The following SPOCD1 variants were observed in gnomAD, a reference collection of about 807,000 sequenced individuals.
SPOCD1 encodes the protein SPOC domain containing 1.
Under a neutral mutation model 92.2 loss-of-function variants are expected in SPOCD1, and 64 were observed. That is an observed-to-expected ratio of 0.69 (90% confidence interval 0.57 to 0.86). The LOEUF is 0.86. Ranked by LOEUF, SPOCD1 falls within the 40% of genes least tolerant of loss-of-function variation. SPOCD1 has a pLI of 0.00. For synonymous variants in SPOCD1, 578 were observed against 619.3 expected (o/e 0.93, Z 0.99); for missense variants, 1,360 against 1,543.1 (o/e 0.88, Z 1.99).
intron 13 of SPOCD1, 62 bp downstream of exon 13, chr1:31,793,216 G>A: frequency 2.7e-6 from 4 of 1,509,102 alleles, no homozygotes; most frequent in Non-Finnish European, 3.6e-6. Flanking sequence ...GAGAGAGAGA[G>A]AGAGAGGCTG....
At chr1:31,809,501 A>G (rs530276089) in intron 2 of SPOCD1, among the ~76,000 whole-genome samples, 1 of 151,450 alleles carries the variant, frequency 6.6e-6, no homozygotes, top group East Asian at 2.0e-4. Context: ...ATACAAAACT[A>G]TCACAGCAGC....
At chr1:31,803,811 G>A (rs1393250726) in intron 2 of SPOCD1, among the ~76,000 whole-genome samples, 2 of 150,558 alleles carry the variant, frequency 1.3e-5, no homozygotes, top group Non-Finnish European at 3.0e-5. Context: ...GAAAGGAAAG[G>A]AAAGGAGAAG....
chr1:31,811,353 C>A (rs1383553778), intron 2 of SPOCD1, among the ~76,000 whole-genome samples: 1 of 151,844 alleles, frequency 6.6e-6, no homozygotes, highest in East Asian at 1.9e-4. Flanking sequence ...CACCTGTAGT[C>A]CCAGCTACTC....
At chr1:31,800,363 A>G (rs544689937) in intron 4 of SPOCD1, 78 bp downstream of exon 4, 2 of 1,464,850 alleles carry the variant, frequency 1.4e-6, no homozygotes, top group East Asian at 2.5e-5. Context: ...CCTCTCTCTG[A>G]GCCTCAGTGA....
intron 2 of SPOCD1, among the ~76,000 whole-genome samples, chr1:31,803,780 G>A (rs925364625): frequency 2.0e-5 from 3 of 149,926 alleles, no homozygotes; most frequent in African/African-American, 7.4e-5. Context: ...GAAAAGAAAG[G>A]AGAAGAAAGG....
At position 31,814,573 on chromosome 1, in the gene SPOCD1, C is replaced by T. The variant is rs1236079089; in HGVS notation, c.761G>A (p.Gly254Asp). Reference protein sequence around the residue: ...PQVADLESLGGPCRPPSPKDT... With the variant: ...PQVADLESLGDPCRPPSPKDT... ...TTTTGGAGAGGGAGGTCTGCAAGGG[C>T]CTCCCAAGGACTCCAGGTCAGCAAC... The change falls in exon 2 of 16, where the codon GGC becomes GAC. Residue 254 changes from glycine to aspartate, a missense_variant. Physicochemically the swap from Gly to Asp is moderately conservative, Grantham distance 94 (BLOSUM62 -1). Around this residue, in one of 3 missense-constraint regions of SPOCD1, gnomAD observed 606 missense variants for 601.5 expected, o/e 1.01. Transcript: ENST00000360482. This position sits in a 1 kb window ranked among gnomAD's most constrained non-coding sequence, Gnocchi z 4.2. 6.5e-7 allele frequency: 1 copy of T among 1,527,630 alleles called. No individual in the cohort carries two copies. Among genetic ancestry groups the T allele is most frequent in the South Asian group, 1.3e-5 (1 of 75,976 alleles). 94.6% of individuals were successfully genotyped at this position (1,527,630 alleles called of 1,614,324 possible).
chr1:31,794,108 C>T lies in SPOCD1; in HGVS notation c.2383+16G>A, dbSNP rs1411187932. 1.2e-6 allele frequency: 2 copies of T among 1,611,054 alleles called. No individual in the cohort carries two copies. The highest frequency in any genetic ancestry group is 1.7e-6 in the Non-Finnish European group (2 of 1,177,790). On this transcript the variant is annotated intron_variant, in intron 11 of 15. Coordinates refer to ENST00000360482, the MANE Select transcript of SPOCD1 (RefSeq NM_144569.7). ...CCTGGCTGCCACCCCTGCACCCCTC[C>T]CGTGTCCCCTCCCACCCTTGCAGAT... is the stretch of plus-strand genomic sequence containing the variant.
In SPOCD1 at chr1:31,799,424, G is replaced by A. The variant is rs778788572; in HGVS notation, c.1845C>T (p.Ser615=). The A allele has an allele frequency of 8.1e-6, 13 of 1,611,092 alleles. No homozygotes were observed. The East Asian group carries it at 2.7e-4, about 33-fold the overall frequency. ...ACCGAGTCCATAGTACCTCCTGCAT[G>A]GAACGGACAACAGTGCCCCGCACCC... ...YIGVRGTVVR[S]MQEVLWTRLR... is the part of the protein sequence containing the mutation. The change falls in exon 7 of 16, where the codon TCC becomes TCT. Residue 615 remains serine (S), a synonymous_variant. Coordinates refer to ENST00000360482, the MANE Select transcript of SPOCD1 (RefSeq NM_144569.7).
At chr1:31,799,196 G>A (rs1175146203) in intron 7 of SPOCD1, among the ~76,000 whole-genome samples, 4 of 152,226 alleles carry the variant, frequency 2.6e-5, no homozygotes, top group Non-Finnish European at 5.9e-5. Flanking sequence ...GCAGCTAAGT[G>A]GGGAAGCACA....
chr1:31,809,541 C>T (rs982007680), intron 2 of SPOCD1, among the ~76,000 whole-genome samples: 1 of 149,520 alleles, frequency 6.7e-6, no homozygotes, highest in Admixed American at 6.7e-5. Context: ...AAAAAAAACA[C>T]CAAAAAACCC....
At chr1:31,791,694 T>C (rs866533995) in intron 15 of SPOCD1, among the ~76,000 whole-genome samples, 32 of 152,292 alleles carry the variant, frequency 2.1e-4, no homozygotes, top group African/African-American at 6.7e-4. Flanking sequence ...TGAGGTGACA[T>C]TTACAGTCAA....
In SPOCD1 at chr1:31,815,138, G is replaced by A. The variant is rs578246727; in HGVS notation, c.196C>T (p.Arg66Ter). The change falls in exon 2 of 16, where the codon CGA (arginine) becomes TGA (stop). Residue 66 changes from arginine (R) to a stop codon, truncating the protein, a stop_gained. Coordinates refer to ENST00000360482, the MANE Select transcript of SPOCD1 (RefSeq NM_144569.7). LOFTEE classifies it high-confidence loss of function. ...CCTGCAGCCCGGGAGCTGCCACCTC[G>A]AAGGGCCTCCTTCCTGGGGATCTTC... Reference protein sequence around the residue: ...RRKIPRKEALRGGSSRAAGAA... With the variant: ...RRKIPRKEAL 47 of 1,608,128 alleles carry A rather than the reference G, an allele frequency of 2.9e-5. No homozygotes were observed. Among genetic ancestry groups the A allele is most frequent in the Non-Finnish European group, 3.4e-5 (40 of 1,175,706 alleles).
chr1:31,800,866 G>A (rs997586896), intron 3 of SPOCD1, among the ~76,000 whole-genome samples: 6 of 152,250 alleles, frequency 3.9e-5, no homozygotes, highest in Middle Eastern at 3.4e-3. Context: ...GTCTCCATCC[G>A]CATCCTTTCT....
In SPOCD1 at chr1:31,798,194, G is replaced by A. The variant is rs1261134150; in HGVS notation, c.2145+13C>T. The A allele has an allele frequency of 6.2e-7, 1 of 1,605,488 alleles. No homozygotes were observed. ...ACATCCCCTCACCCATCCCGACTGG[G>A]CTCAGCACTCACCCTTTTCTCCTCC... On this transcript the variant is annotated intron_variant, in intron 9 of 15. Coordinates refer to ENST00000360482, the MANE Select transcript of SPOCD1 (RefSeq NM_144569.7). This position sits in a 1 kb window ranked among gnomAD's most constrained non-coding sequence, Gnocchi z 4.1.
At chr1:31,801,548 G>A (rs965194129) in intron 3 of SPOCD1, 116 bp downstream of exon 3, 7 of 874,768 alleles carry the variant, frequency 8.0e-6, no homozygotes, top group Non-Finnish European at 1.3e-5. Flanking sequence ...GATCCACTGG[G>A]GGAGGGCAGG....
chr1:31,799,566 G>A, intron 6 of SPOCD1, 81 bp from the exon 7 acceptor site: 2 of 1,310,046 alleles, frequency 1.5e-6, no homozygotes, highest in Non-Finnish European at 2.2e-6. Context: ...ATGGGTTTAG[G>A]CAGACAGGAG....
intron 15 of SPOCD1, 108 bp from the exon 16 acceptor site, chr1:31,791,399 A>T: frequency 2.3e-6 from 2 of 888,084 alleles, no homozygotes; most frequent in Non-Finnish European, 3.2e-6. Flanking sequence ...GGGAAAAGTA[A>T]GTAGGAAGGT....
chr1:31,805,131 G>A (rs1035970994), intron 2 of SPOCD1, among the ~76,000 whole-genome samples: 3 of 151,736 alleles, frequency 2.0e-5, no homozygotes, highest in Admixed American at 6.6e-5. Flanking sequence ...ACAGGCGCCC[G>A]CCACCACACC....
At position 31,792,398 on chromosome 1, in the gene SPOCD1, C is replaced by T. The variant is rs372199715; in HGVS notation, c.2779G>A (p.Val927Ile). 56 of 1,613,162 alleles carry T rather than the reference C, an allele frequency of 3.5e-5. No individual in the cohort carries two copies. In the East Asian group the frequency reaches 5.3e-4, roughly 15 times the overall value. The change falls in exon 15 of 16, where the codon GTC becomes ATC. Residue 927 changes from valine to isoleucine, a missense_variant. Physicochemically the swap from Val to Ile is conservative, Grantham distance 29. Coordinates refer to ENST00000360482, the MANE Select transcript of SPOCD1 (RefSeq NM_144569.7). ...TGTGGGCACAGTCTGACCACGCAGA[C>T]GTCCTGCGGTGGCAGGAGGAGAGCA... is the stretch of plus-strand genomic sequence containing the variant. The part of the protein sequence containing the change: ...ASICPAKAKD[V>I]CVVRLCPHGA...
Sources: gnomAD v4.1 joint callset for allele counts (sites outside exome capture counted in the v4.1 genomes callset) on GRCh38, gnomAD v4.1.1 for gene constraint, gnomAD v4.1.1 regional missense constraint, Gnocchi (gnomAD v3.1) non-coding constraint, MANE v1.5 for transcripts, NCBI Gene and HGNC (gene_info 2026-07-23, HGNC 2026-07-21) for gene names.